Variants in ACER3 observed in about 807,000 individuals in gnomAD.
The protein encoded by ACER3 is alkCDase 3.
A neutral mutation model predicts 48.9 loss-of-function variants in ACER3; 16 were observed. The ratio of observed to expected loss-of-function variants is 0.33; its 90% CI spans 0.22 to 0.50. ACER3 has a LOEUF of 0.50. ACER3 is among the 20% of genes least tolerant of loss of function. The pLI is 0.98. For missense variants in ACER3, 227 were observed against 326.0 expected (o/e 0.70, Z 2.34); for synonymous variants, 109 against 107.8 (o/e 1.01, Z -0.07).
intron 2 of ACER3, among the ~76,000 whole-genome samples, chr11:76,942,491 T>C (rs781487264): frequency 6.6e-6 from 1 of 151,966 alleles, no homozygotes; most frequent in African/African-American, 2.4e-5. Flanking sequence ...TTGATTTTTG[T>C]ATTTGCATAT....
chr11:76,896,945 T>G (rs1019523073), intron 1 of ACER3, among the ~76,000 whole-genome samples: 1 of 151,962 alleles, frequency 6.6e-6, no homozygotes, highest in Admixed American at 6.6e-5. Flanking sequence ...GTTGTTGTTG[T>G]TGTTGGTTTT....
intron 3 of ACER3, among the ~76,000 whole-genome samples, chr11:76,965,823 A>G (rs1948122009): frequency 6.6e-6 from 1 of 151,354 alleles, no homozygotes; most frequent in Admixed American, 6.6e-5. Context: ...AAACATGGAA[A>G]GGAACAACCG....
intron 1 of ACER3, among the ~76,000 whole-genome samples, chr11:76,904,841 A>G (rs959754674): frequency 1.0e-3 from 147 of 147,510 alleles, no homozygotes; most frequent in African/African-American, 3.2e-3. Context: ...TTCTCTATGT[A>G]TGTGTGTGTG....
At chr11:76,921,196 AT>A (rs1230563733) in intron 1 of ACER3, among the ~76,000 whole-genome samples, 26 of 152,294 alleles carry the variant, frequency 1.7e-4, no homozygotes, top group African/African-American at 5.8e-4. Flanking sequence ...ACTGAAAAAA[AT>A]CATTGCCTCT....
At chr11:76,972,171 AG>A (rs1366631518) in intron 3 of ACER3, among the ~76,000 whole-genome samples, 1 of 152,168 alleles carries the variant, frequency 6.6e-6, no homozygotes, top group African/African-American at 2.4e-5. Flanking sequence ...TAACCTTTTG[AG>A]GAACTGCCAG....
rs1036426535 is a variant in ACER3, at chr11:76,964,133, A to G, written c.267+5102A>G. The stretch of plus-strand genomic sequence containing the variant: ...CCCACCCTAATACTGCACTTTCCCA[A>G]TGGGCTTAACAAACCGCACACCAGG... On this transcript the variant is annotated intron_variant, in intron 3 of 10. Transcript: ENST00000532485. Among the ~76,000 whole-genome samples the G allele has an allele frequency of 5.9e-5, 9 of 151,416 alleles. 1 individual carries two copies. Among genetic ancestry groups the G allele is most frequent in the African/African-American group, 2.0e-4 (8 of 40,696 alleles).
chr11:76,949,600 CA>C (rs145360418), intron 2 of ACER3, among the ~76,000 whole-genome samples: 3,286 of 152,292 alleles, frequency 0.022, 119 homozygotes, highest in African/African-American at 0.075. Flanking sequence ...TAAGGACCAA[CA>C]AATCCCATTT....
chr11:76,958,033 C>T (rs1434544889), intron 2 of ACER3, among the ~76,000 whole-genome samples: 4 of 149,416 alleles, frequency 2.7e-5, no homozygotes, highest in Non-Finnish European at 5.9e-5. Context: ...TGAGTTCAAG[C>T]GATCCTCTGG....
chr11:76,905,642 T>A (rs1269350095), intron 1 of ACER3, among the ~76,000 whole-genome samples: 1 of 152,236 alleles, frequency 6.6e-6, no homozygotes, highest in East Asian at 1.9e-4. Flanking sequence ...CTCACTGCAG[T>A]ATTGTTTAAC....
chr11:76,998,042 C>A (rs891812345), intron 6 of ACER3, among the ~76,000 whole-genome samples: 42 of 152,122 alleles, frequency 2.8e-4, no homozygotes, highest in African/African-American at 9.7e-4. Flanking sequence ...TGGGAAGACA[C>A]ACATGCAGCA....
At chr11:76,956,721 G>A (rs1947851986) in intron 2 of ACER3, among the ~76,000 whole-genome samples, 1 of 136,996 alleles carries the variant, frequency 7.3e-6, no homozygotes, top group African/African-American at 2.7e-5. Context: ...TATTGTTATT[G>A]TGTGACTTTA....
At chr11:77,009,489 A>T (rs1555021666) in intron 7 of ACER3, among the ~76,000 whole-genome samples, 1 of 152,156 alleles carries the variant, frequency 6.6e-6, no homozygotes, top group African/African-American at 2.4e-5. Flanking sequence ...AGGAGCTGCA[A>T]ACTACAGTGA....
intron 1 of ACER3, among the ~76,000 whole-genome samples, chr11:76,885,506 G>A (rs1467005082): frequency 2.0e-5 from 3 of 152,106 alleles, no homozygotes; most frequent in South Asian, 4.1e-4. Context: ...ATAACACCAT[G>A]TAGGGCCACT....
At chr11:77,010,869 C>CA (rs1949248899) in intron 7 of ACER3, among the ~76,000 whole-genome samples, 1 of 152,232 alleles carries the variant, frequency 6.6e-6, no homozygotes, top group Non-Finnish European at 1.5e-5. Context: ...TAGAATTCTA[C>CA]AGGCAGCCAA....
intron 3 of ACER3, among the ~76,000 whole-genome samples, chr11:76,965,533 A>G (rs573756651): frequency 2.6e-5 from 4 of 151,556 alleles, no homozygotes; most frequent in Admixed American, 6.5e-5. Context: ...GAAATGAAGG[A>G]AAAAATGTTA....
chr11:76,980,729 T>C lies in ACER3; in HGVS notation c.320+4388T>C, dbSNP rs114176563. 2.6e-3 allele frequency among the ~76,000 whole-genome samples: 402 copies of C among 152,264 alleles called. 3 individuals are homozygous for C. Among genetic ancestry groups the C allele is most frequent in the African/African-American group, 9.2e-3 (382 of 41,550 alleles). ...TTTTAGTGCTAGGGAACAGCAGATA[T>C]TACTTAGAAGGATACTGATAATGTA... On this transcript the variant is annotated intron_variant, in intron 4 of 10. Coordinates refer to ENST00000532485, the MANE Select transcript of ACER3 (RefSeq NM_018367.7).
chr11:76,950,763 G>A (rs1016391859), intron 2 of ACER3, among the ~76,000 whole-genome samples: 42 of 151,966 alleles, frequency 2.8e-4, no homozygotes, highest in African/African-American at 9.9e-4. Context: ...ACCATGCCAG[G>A]CCCAGAATTT....
At chr11:77,012,233 C>T (rs539921842) in intron 7 of ACER3, among the ~76,000 whole-genome samples, 44 of 152,056 alleles carry the variant, frequency 2.9e-4, no homozygotes, top group African/African-American at 1.0e-3. Context: ...TCCTGGCCAA[C>T]ACAGTGAAAC....
At chr11:76,869,510 T>A (rs769074408) in intron 1 of ACER3, among the ~76,000 whole-genome samples, 3 of 152,238 alleles carry the variant, frequency 2.0e-5, no homozygotes, top group East Asian at 3.9e-4. Context: ...AAATTTATCT[T>A]CTTAACCATT....
Sources: gnomAD v4.1 joint callset for allele counts (sites outside exome capture counted in the v4.1 genomes callset) on GRCh38, gnomAD v4.1.1 for gene constraint, MANE v1.5 for transcripts, NCBI Gene and HGNC (gene_info 2026-07-23, HGNC 2026-07-21) for gene names.